GPR137C: variants seen among roughly 807,000 people sequenced by gnomAD.
The protein encoded by GPR137C is integral membrane protein GPR137C.
Under a neutral mutation model 43.4 loss-of-function variants are expected in GPR137C, and 27 were observed. That is an observed-to-expected ratio of 0.62 (90% CI 0.46 to 0.86). The LOEUF is 0.86. GPR137C is among the 40% of genes least tolerant of loss of function. The pLI, the probability that GPR137C is intolerant of heterozygous loss-of-function variation, is 0.00. For missense variants in GPR137C, 522 were observed against 534.6 expected (o/e 0.98, Z 0.23); for synonymous variants, 285 against 226.9 (o/e 1.26, Z -2.30).
rs1430586998 is a variant in GPR137C, at chr14:52,585,358, C to G, written c.445-12914C>G. Among the ~76,000 whole-genome samples, 3 of 151,968 alleles carry G rather than the reference C, an allele frequency of 2.0e-5. No homozygotes were observed. In the East Asian group the frequency reaches 5.8e-4, roughly 29 times the overall value. ...CCTTCCTAACAATTAAACTAACTCT[C>G]TCTTGCTCTCGCTCTCACTTGCTCT... On this transcript the variant is annotated intron_variant, in intron 1 of 6. Transcript: ENST00000321662.
At chr14:52,564,266 CT>C (rs2038332034) in intron 1 of GPR137C, among the ~76,000 whole-genome samples, 1 of 108,260 alleles carries the variant, frequency 9.2e-6, no homozygotes, top group Non-Finnish European at 1.7e-5. Flanking sequence ...CAGAGTGAGA[CT>C]TCGTCTCAAA....
At position 52,553,104 on chromosome 14, in the gene GPR137C, G is replaced by A; in HGVS notation, c.-44G>A. The A allele has an allele frequency of 9.2e-7, 1 of 1,083,704 alleles. No homozygotes were observed. Among genetic ancestry groups the A allele is most frequent in the Non-Finnish European group, 1.1e-6 (1 of 877,206 alleles). 67.1% of individuals were successfully genotyped at this position (1,083,704 alleles called of 1,614,324 possible). On this transcript the variant is annotated 5_prime_UTR_variant, in exon 1 of 7. Coordinates refer to ENST00000321662, the MANE Select transcript of GPR137C (RefSeq NM_001099652.2). ...CCCTTCGACGGCGGCTCCGAGTCCA[G>A]CCCCTTCCTTCCCGCGCTCGCTCGC...
chr14:52,553,633 C>G, intron 1 of GPR137C, 42 bp downstream of exon 1: 1 of 1,389,792 alleles, frequency 7.2e-7, no homozygotes, highest in Non-Finnish European at 9.5e-7. Context: ...GGCGGGTGCG[C>G]GGGGCCGCCG....
intron 3 of GPR137C, among the ~76,000 whole-genome samples, chr14:52,627,101 AAG>A (rs2139576629): frequency 6.6e-6 from 1 of 152,298 alleles, no homozygotes; most frequent in African/African-American, 2.4e-5. Context: ...TTTTTTAAAA[AAG>A]GAAATTGGGC....
chr14:52,617,799 T>C (rs1254713366), intron 3 of GPR137C, among the ~76,000 whole-genome samples: 1 of 152,178 alleles, frequency 6.6e-6, no homozygotes, highest in Non-Finnish European at 1.5e-5. Context: ...TCTTTAAGCT[T>C]CACTTTCCTG....
At chr14:52,606,790 T>G (rs1179399234) in intron 3 of GPR137C, among the ~76,000 whole-genome samples, 1 of 152,196 alleles carries the variant, frequency 6.6e-6, no homozygotes, top group African/African-American at 2.4e-5. Context: ...TCAATTTCAT[T>G]TATTTCTGCT....
chr14:52,630,666 AG>A (rs2039284158), intron 3 of GPR137C, among the ~76,000 whole-genome samples: 1 of 152,010 alleles, frequency 6.6e-6, no homozygotes, highest in Non-Finnish European at 1.5e-5. Context: ...AATTGTTCTG[AG>A]GAAGTCAGTT....
rs1455461058 is a variant in GPR137C, at chr14:52,552,955, G to A, written c.-193G>A. ...GAGGAGCCGAGACCCCCGGGGGGTG[G>A]GGGGAAAGAGGAGGCGGGGTCCGGG... is the stretch of plus-strand genomic sequence containing the variant. On this transcript the variant is annotated 5_prime_UTR_variant, in exon 1 of 7. Transcript: ENST00000321662. Among the ~76,000 whole-genome samples, 2 of 151,654 alleles carry A rather than the reference G, an allele frequency of 1.3e-5. No homozygotes were observed. Among genetic ancestry groups the A allele is most frequent in the South Asian group, 2.1e-4 (1 of 4,798 alleles).
chr14:52,559,243 G>A (rs898505846), intron 1 of GPR137C, among the ~76,000 whole-genome samples: 1 of 152,036 alleles, frequency 6.6e-6, no homozygotes, highest in African/African-American at 2.4e-5. Flanking sequence ...CAGCATGGTG[G>A]CACGCGCCTG....
Position 52,553,204 on chromosome 14 carries a change from G to C in GPR137C, c.57G>C (p.Glu19Asp). 8.2e-7 allele frequency: 1 copy of C among 1,220,898 alleles called. No homozygotes were observed. The highest frequency in any genetic ancestry group is 1.0e-6 in the Non-Finnish European group (1 of 981,676). The allele number at this position is 1,220,898 out of a possible 1,614,324, so 75.6% of individuals were successfully genotyped here. A position where few individuals can be genotyped will look rare whatever the true frequency, so the allele number is the denominator to read the frequency against. Residue 19 changes from glutamate to aspartate, a missense_variant, in exon 1 of 7, where the codon GAG becomes GAC. Physicochemically the swap from Glu to Asp is conservative, Grantham distance 45. Around this residue, in one of 3 missense-constraint regions of GPR137C, gnomAD observed 437 missense variants for 425.7 expected, o/e 1.03. Transcript: ENST00000321662. ...AAAAAPAAGR[E>D]PSTPGGGSGG... ...CTGCCGCCCCCGCAGCCGGCCGCGA[G>C]CCCTCCACGCCCGGCGGGGGCAGCG... is the stretch of plus-strand genomic sequence containing the variant.
chr14:52,620,999 A>T (rs969972524), intron 3 of GPR137C, among the ~76,000 whole-genome samples: 1 of 151,868 alleles, frequency 6.6e-6, no homozygotes, highest in Non-Finnish European at 1.5e-5. Flanking sequence ...TATTTGAAAA[A>T]ATAATGACCT....
At chr14:52,597,469 A>G (rs907605627) in intron 1 of GPR137C, among the ~76,000 whole-genome samples, 23 of 152,200 alleles carry the variant, frequency 1.5e-4, no homozygotes, top group African/African-American at 5.5e-4. Context: ...CCAGGTCCCC[A>G]AACTTCATAC....
chr14:52,553,773 G>C (rs2038140710), intron 1 of GPR137C, among the ~76,000 whole-genome samples, 182 bp downstream of exon 1: 1 of 152,222 alleles, frequency 6.6e-6, no homozygotes, highest in Non-Finnish European at 1.5e-5. Flanking sequence ...TTAAGTGGCT[G>C]ATTGGCTTGA....
intron 3 of GPR137C, among the ~76,000 whole-genome samples, chr14:52,600,604 T>C (rs2038912727): frequency 6.6e-6 from 1 of 152,104 alleles, no homozygotes; most frequent in Non-Finnish European, 1.5e-5. Flanking sequence ...GCATATTGCT[T>C]TTTTAAAAAA....
At chr14:52,584,063 C>A (rs994260056) in intron 1 of GPR137C, among the ~76,000 whole-genome samples, 1 of 152,128 alleles carries the variant, frequency 6.6e-6, no homozygotes, top group Non-Finnish European at 1.5e-5. Flanking sequence ...TTCTAGTATT[C>A]CTCATCCCTT....
chr14:52,580,087 T>C (rs1017117566), intron 1 of GPR137C, among the ~76,000 whole-genome samples: 1 of 152,198 alleles, frequency 6.6e-6, no homozygotes, highest in African/African-American at 2.4e-5. Context: ...TTAACCTTTT[T>C]CTGCACGTAC....
At chr14:52,561,967 T>C (rs919539833) in intron 1 of GPR137C, among the ~76,000 whole-genome samples, 3 of 152,190 alleles carry the variant, frequency 2.0e-5, no homozygotes, top group African/African-American at 7.2e-5. Flanking sequence ...GTATTGTATA[T>C]AAATTATATT....
intron 1 of GPR137C, among the ~76,000 whole-genome samples, chr14:52,575,533 T>G (rs2038537545): frequency 6.6e-6 from 1 of 152,242 alleles, no homozygotes; most frequent in Non-Finnish European, 1.5e-5. Context: ...ATCCTTTGAT[T>G]TCTTAATACA....
rs571874289 is a variant in GPR137C at position 52,637,292 on chromosome 14, G to C, written c.*2177G>C. The C allele has an allele frequency of 1.3e-5, 2 of 152,102 alleles. No individual in the cohort carries two copies. Among genetic ancestry groups the C allele is most frequent in the Non-Finnish European group, 2.9e-5 (2 of 67,982 alleles). The allele number at this position is 152,102 out of a possible 1,614,324, so 9.4% of individuals were successfully genotyped here. On this transcript the variant is annotated 3_prime_UTR_variant, in exon 7 of 7. Coordinates refer to ENST00000321662, the MANE Select transcript of GPR137C (RefSeq NM_001099652.2). Reference sequence around the variant, plus strand: ...CTAGGAGCACTTTAAGTTTGGTCTCGAAAGGAGTTGTTTATAAAATCAAAG... The same window carrying C: ...CTAGGAGCACTTTAAGTTTGGTCTCCAAAGGAGTTGTTTATAAAATCAAAG...
Sources: gnomAD v4.1 joint callset for allele counts (sites outside exome capture counted in the v4.1 genomes callset) on GRCh38, gnomAD v4.1.1 for gene constraint, gnomAD v4.1.1 regional missense constraint, MANE v1.5 for transcripts, NCBI Gene and HGNC (gene_info 2026-07-23, HGNC 2026-07-21) for gene names.